The following TMEM59 variants were observed in gnomAD, a reference collection of about 807,000 sequenced individuals.
TMEM59 encodes dendritic cell factor 1.
Under a neutral mutation model 42.2 loss-of-function variants are expected in TMEM59, and 44 were observed. The ratio of observed to expected loss-of-function variants is 1.04; its 90% CI spans 0.82 to 1.34. The LOEUF (loss-of-function observed/expected upper bound fraction) is 1.34. TMEM59 is among the 40% of genes most tolerant of loss of function. The pLI, the probability that TMEM59 is intolerant of heterozygous loss-of-function variation, is 0.00. For missense variants in TMEM59, 359 were observed against 382.8 expected (o/e 0.94, Z 0.52); for synonymous variants, 148 against 145.8 (o/e 1.02, Z -0.11).
chr1:54,033,602 A>C (rs1263308380), intron 7 of TMEM59: 23 of 136,220 alleles, frequency 1.7e-4, no homozygotes, highest in Admixed American at 1.6e-3. Flanking sequence ...ACTCTGTCTC[A>C]CAAAAAAAAA....
Position 54,043,372 on chromosome 1 carries a change from C to A in TMEM59, c.543+1G>T. 6.5e-7 allele frequency: 1 copy of A among 1,534,416 alleles called. No individual in the cohort carries two copies. The highest frequency in any genetic ancestry group is 8.7e-7 in the Non-Finnish European group (1 of 1,143,100). ...ATGAATCCATGAAGCTCAGTTGTCA[C>A]CTGGAATATAACTATTTTTCCGTCA... On this transcript the variant is annotated splice_donor_variant, in intron 4 of 7. Coordinates refer to ENST00000234831, the MANE Select transcript of TMEM59 (RefSeq NM_004872.5). LOFTEE classifies it high-confidence loss of function.
At chr1:54,050,134 T>G (rs931340909) in intron 1 of TMEM59, among the ~76,000 whole-genome samples, 1 of 152,156 alleles carries the variant, frequency 6.6e-6, no homozygotes, top group Non-Finnish European at 1.5e-5. Flanking sequence ...TTTTTTTTTT[T>G]TCTTTTTTTG....
intron 7 of TMEM59, chr1:54,033,466 G>A (rs939633021): frequency 3.3e-5 from 5 of 151,706 alleles, no homozygotes; most frequent in Non-Finnish European, 7.4e-5. Flanking sequence ...GCCAGGCATG[G>A]TGGTACATGC....
At chr1:54,052,720 G>C (rs1251819098) in intron 1 of TMEM59, among the ~76,000 whole-genome samples, 2 of 152,096 alleles carry the variant, frequency 1.3e-5, no homozygotes, top group African/African-American at 4.8e-5. Flanking sequence ...CCGAGTGCTC[G>C]ACTCCCCTGC....
chr1:54,036,493 A>G, intron 7 of TMEM59, 117 bp downstream of exon 7: 1 of 701,092 alleles, frequency 1.4e-6, no homozygotes, highest in East Asian at 3.1e-5. Context: ...CATTAAAACC[A>G]CCACATCTTC....
chr1:54,048,560 A>G (rs548756319), intron 1 of TMEM59: 1 of 313,588 alleles, frequency 3.2e-6, no homozygotes, highest in East Asian at 9.4e-5. Flanking sequence ...TTAACTGCTT[A>G]ATAAGACTAA....
At chr1:54,047,591 C>T in intron 1 of TMEM59, 1 of 455,484 alleles carries the variant, frequency 2.2e-6, no homozygotes, top group Admixed American at 4.5e-5. Context: ...AAGAAAAAAG[C>T]CTAGTAGGTA....
At position 54,042,323 on chromosome 1, in the gene TMEM59, C is replaced by CT. The variant is rs556007801; in HGVS notation, c.544-519dup. On this transcript the variant is annotated intron_variant, in intron 4 of 7. Transcript: ENST00000234831. The stretch of plus-strand genomic sequence containing the variant: ...TTCTGATCCTCTAGAATGGGGGTTT[C>CT]TGCATCCCAGTTATGCTCAAATTCA... 2.7e-3 allele frequency among the ~76,000 whole-genome samples: 418 copies of CT among 152,220 alleles called. 3 individuals are homozygous for CT. Among genetic ancestry groups the CT allele is most frequent in the Middle Eastern group, 6.8e-3 (2 of 294 alleles).
At chr1:54,041,424 A>G (rs1172600567) in intron 5 of TMEM59, among the ~76,000 whole-genome samples, 1 of 152,234 alleles carries the variant, frequency 6.6e-6, no homozygotes, top group Non-Finnish European at 1.5e-5. Flanking sequence ...TGTTTTTAGA[A>G]TAGTGATTTT....
chr1:54,037,914 T>C (rs895506677), intron 6 of TMEM59, among the ~76,000 whole-genome samples: 4 of 152,224 alleles, frequency 2.6e-5, no homozygotes, highest in Non-Finnish European at 5.9e-5. Context: ...ATTTGATATC[T>C]AGATTCCAGT....
intron 7 of TMEM59, among the ~76,000 whole-genome samples, chr1:54,035,877 G>C (rs1332196558): frequency 2.0e-5 from 3 of 152,196 alleles, no homozygotes; most frequent in Non-Finnish European, 4.4e-5. Flanking sequence ...GCTTCCCAAA[G>C]TGCTGGGATT....
At chr1:54,049,595 T>C (rs1210852921) in intron 1 of TMEM59, among the ~76,000 whole-genome samples, 1 of 152,208 alleles carries the variant, frequency 6.6e-6, no homozygotes, top group Non-Finnish European at 1.5e-5. Context: ...CAAGTTTATA[T>C]AACATGTATC....
chr1:54,040,904 T>G, intron 5 of TMEM59, 67 bp from the exon 6 acceptor site: 1 of 1,210,186 alleles, frequency 8.3e-7, no homozygotes, highest in Non-Finnish European at 1.2e-6. Context: ...CATGACTACT[T>G]CTAGATATAT....
chr1:54,041,605 C>T, intron 5 of TMEM59, 119 bp downstream of exon 5: 1 of 759,396 alleles, frequency 1.3e-6, no homozygotes, highest in Admixed American at 2.7e-5. Flanking sequence ...GTTTGAGAAC[C>T]ACTGTTTTAG....
chr1:54,032,974 G>C (rs1656814136), intron 7 of TMEM59, among the ~76,000 whole-genome samples: 1 of 150,044 alleles, frequency 6.7e-6, no homozygotes, highest in Non-Finnish European at 1.5e-5. Flanking sequence ...TACCCAGGCT[G>C]GAGTGCAGTG....
intron 1 of TMEM59, among the ~76,000 whole-genome samples, chr1:54,049,107 A>C (rs944409873): frequency 3.3e-5 from 5 of 152,218 alleles, no homozygotes; most frequent in Admixed American, 1.3e-4. Flanking sequence ...ATCCAGTACC[A>C]ATTTCGGAAA....
chr1:54,045,497 A>G (rs935710688), intron 3 of TMEM59, 195 bp downstream of exon 3: 3 of 506,192 alleles, frequency 5.9e-6, no homozygotes, highest in South Asian at 7.2e-5. Context: ...GAACGTAAGC[A>G]TAACTTTTAA....
rs1411842342 is a variant in TMEM59 at position 54,043,408 on chromosome 1, G to A, written c.508C>T (p.Leu170Phe). The change falls in exon 4 of 8, where the codon CTT becomes TTT. Residue 170 changes from leucine (L) to phenylalanine (F), a missense_variant. Coordinates refer to ENST00000234831, the MANE Select transcript of TMEM59 (RefSeq NM_004872.5). ...SFITSSWTFY[L>F]QADDGKIVIF... ...ACTATTTTTCCGTCATCGGCTTGAAGATAAAAAGTCCATGAAGAGGTTATG... is the reference window on the plus strand; with the variant it reads ...ACTATTTTTCCGTCATCGGCTTGAAAATAAAAAGTCCATGAAGAGGTTATG... 3 of 1,564,788 alleles carry A rather than the reference G, an allele frequency of 1.9e-6. No homozygotes were observed. The highest frequency in any genetic ancestry group is 2.6e-6 in the Non-Finnish European group (3 of 1,157,296).
chr1:54,046,670 C>T (rs1190319818), intron 2 of TMEM59, among the ~76,000 whole-genome samples: 3 of 151,946 alleles, frequency 2.0e-5, no homozygotes, highest in African/African-American at 4.8e-5. Context: ...AAAGGTGCCT[C>T]CTTCTACACT....
Sources: allele counts gnomAD v4.1 joint callset (sites outside exome capture counted in the v4.1 genomes callset), GRCh38; gene constraint gnomAD v4.1.1; transcripts MANE v1.5; gene names NCBI Gene and HGNC (gene_info 2026-07-23, HGNC 2026-07-21).